CLYBL: variants seen among roughly 807,000 people sequenced by gnomAD.
CLYBL encodes the protein citramalyl-CoA lyase, mitochondrial.
Under a neutral mutation model 38.9 loss-of-function variants are expected in CLYBL, and 31 were observed. The observed-to-expected ratio is 0.80, with a 90% CI of 0.60 to 1.08. The LOEUF (loss-of-function observed/expected upper bound fraction) is 1.08. CLYBL is among the 50% of genes least tolerant of loss of function. The pLI is 0.00. For synonymous variants in CLYBL, 171 were observed against 158.6 expected, an observed-to-expected ratio of 1.08 and a Z score of -0.59; for missense variants, 434 against 411.6, an observed-to-expected ratio of 1.05 and a Z score of -0.47.
chr13:99,840,504 T>TCCCAG (rs2051045058), intron 2 of CLYBL, among the ~76,000 whole-genome samples: 1 of 151,890 alleles, frequency 6.6e-6, no homozygotes, highest in Non-Finnish European at 1.5e-5. Flanking sequence ...ACACCTGTAA[T>TCCCAG]CCCAGCACTT....
intron 2 of CLYBL, among the ~76,000 whole-genome samples, chr13:99,806,561 A>C (rs1461516441): frequency 1.3e-5 from 2 of 152,168 alleles, no homozygotes; most frequent in African/African-American, 4.8e-5. Flanking sequence ...GCAAGTTAAT[A>C]TTTCATTTTG....
intron 2 of CLYBL, among the ~76,000 whole-genome samples, chr13:99,858,372 T>C (rs758304275): frequency 2.0e-5 from 3 of 152,178 alleles, no homozygotes; most frequent in Non-Finnish European, 4.4e-5. Context: ...AAAAAAAGCA[T>C]GATGCCTGTG....
chr13:99,796,739 T>A (rs915761729), intron 2 of CLYBL, among the ~76,000 whole-genome samples: 6 of 152,156 alleles, frequency 3.9e-5, no homozygotes, highest in Non-Finnish European at 8.8e-5. Flanking sequence ...CTAGCAGAAG[T>A]GAGCCAAGGT....
At position 99,803,579 on chromosome 13, in the gene CLYBL, C is replaced by T. The variant is rs138368520; in HGVS notation, c.249+30569C>T. Among the ~76,000 whole-genome samples, 39 of 152,332 alleles carry T rather than the reference C, an allele frequency of 2.6e-4. No individual in the cohort carries two copies. The East Asian group carries it at 6.9e-3, about 27-fold the overall frequency. ...AGCAGTGTGAACTGACCTGACTTTC[C>T]TAATATGTGTAATGGAGAAAGTAAT... On this transcript the variant is annotated intron_variant, in intron 2 of 8. Coordinates refer to ENST00000339105, the MANE Select transcript of CLYBL (RefSeq NM_206808.5).
At chr13:99,773,972 A>G (rs1034573877) in intron 2 of CLYBL, among the ~76,000 whole-genome samples, 2 of 152,058 alleles carry the variant, frequency 1.3e-5, no homozygotes, top group Non-Finnish European at 2.9e-5. Context: ...GCTCATGCCT[A>G]TAATCCCAGC....
chr13:99,653,347 G>A (rs1451023195), intron 1 of CLYBL, among the ~76,000 whole-genome samples: 2 of 151,818 alleles, frequency 1.3e-5, no homozygotes, highest in African/African-American at 4.8e-5. Context: ...TCATGAGGCT[G>A]TTAGCCTGGG....
At chr13:99,790,120 C>T (rs1200584558) in intron 2 of CLYBL, among the ~76,000 whole-genome samples, 1 of 152,056 alleles carries the variant, frequency 6.6e-6, no homozygotes, top group Non-Finnish European at 1.5e-5. Context: ...CTCCTGAATA[C>T]AGCACACTGA....
intron 1 of CLYBL, among the ~76,000 whole-genome samples, chr13:99,747,223 A>T (rs796437994): frequency 1.2e-5 from 1 of 85,106 alleles, no homozygotes; most frequent in Non-Finnish European, 2.4e-5. Flanking sequence ...CCCCCGCCCC[A>T]CCCCCATGCT....
At chr13:99,763,847 C>G (rs772705053) in intron 1 of CLYBL, among the ~76,000 whole-genome samples, 6 of 152,068 alleles carry the variant, frequency 3.9e-5, no homozygotes, top group Non-Finnish European at 5.9e-5. Context: ...GCCACCGCAC[C>G]CGGCCGATCA....
chr13:99,703,282 A>G (rs2048096923), intron 1 of CLYBL, among the ~76,000 whole-genome samples: 2 of 152,188 alleles, frequency 1.3e-5, no homozygotes, highest in South Asian at 4.1e-4. Context: ...AAGTGACCAT[A>G]GCTTCTTAGT....
rs28622077 is a variant in CLYBL at position 99,830,773 on chromosome 13, G to A, written c.250-28088G>A. Among the ~76,000 whole-genome samples, 709 of 152,338 alleles carry A rather than the reference G, an allele frequency of 4.7e-3. 4 individuals are homozygous for A. Among genetic ancestry groups the A allele is most frequent in the African/African-American group, 0.016 (682 of 41,574 alleles). ...TTTCTAATAACTCTTTTAAAGAAGTGTTCATTCCATTGTTCATGGAATATG... is the reference window on the plus strand; with the variant it reads ...TTTCTAATAACTCTTTTAAAGAAGTATTCATTCCATTGTTCATGGAATATG... On this transcript the variant is annotated intron_variant, in intron 2 of 8. Coordinates refer to ENST00000339105, the MANE Select transcript of CLYBL (RefSeq NM_206808.5).
intron 2 of CLYBL, among the ~76,000 whole-genome samples, chr13:99,833,018 ATATATATATATATTTTTTTTT>A (rs2050845093): frequency 1.2e-4 from 4 of 34,276 alleles, no homozygotes; most frequent in African/African-American, 3.5e-4. Context: ...ATATATATAT[ATATATATATATATTTTTTTTT>A]TTTTTTTTTT....
chr13:99,906,033 C>G (rs1171950931), intron 9 of CLYBL, among the ~76,000 whole-genome samples: 1 of 152,178 alleles, frequency 6.6e-6, no homozygotes, highest in Non-Finnish European at 1.5e-5. Flanking sequence ...CTCAGCCTCC[C>G]AAAGTGCTAG....
chr13:99,701,059 G>T (rs1012369589), intron 1 of CLYBL, among the ~76,000 whole-genome samples: 2 of 152,170 alleles, frequency 1.3e-5, no homozygotes, highest in Non-Finnish European at 2.9e-5. Flanking sequence ...CAGGCCGGTT[G>T]TCACTTCATC....
chr13:99,796,189 G>C (rs1594188499), intron 2 of CLYBL, among the ~76,000 whole-genome samples: 2 of 152,292 alleles, frequency 1.3e-5, no homozygotes, highest in South Asian at 2.1e-4. Flanking sequence ...TGGCAGCCAT[G>C]ATTGGGCTGC....
At chr13:99,743,661 G>A (rs867840319) in intron 1 of CLYBL, among the ~76,000 whole-genome samples, 1 of 152,290 alleles carries the variant, frequency 6.6e-6, no homozygotes, top group Admixed American at 6.5e-5. Flanking sequence ...TGGTTGGTTC[G>A]GCTCTGTGGT....
At chr13:99,821,910 C>A (rs947891211) in intron 2 of CLYBL, among the ~76,000 whole-genome samples, 1 of 152,172 alleles carries the variant, frequency 6.6e-6, no homozygotes, top group Admixed American at 6.5e-5. Context: ...CCTGTAGTCC[C>A]CTCCCACGCT....
intron 1 of CLYBL, among the ~76,000 whole-genome samples, chr13:99,770,748 A>G (rs1374055646): frequency 6.6e-6 from 1 of 151,234 alleles, no homozygotes. Flanking sequence ...TTTGAGACAG[A>G]GTCTTGCTCT....
At position 99,772,872 on chromosome 13, in the gene CLYBL, A is replaced by C; in HGVS notation, c.111A>C (p.Ser37=). ...TCCCCAGACTTGGATATAGTTCCTC[A>C]TCCCATCACAAGTACATCCCCCGGA... The part of the protein sequence containing the change: ...ADIPRLGYSS[S]SHHKYIPRRA... The change falls in exon 2 of 9, where the codon TCA becomes TCC. Residue 37 remains serine (S), a synonymous_variant. Transcript: ENST00000339105. 6.2e-7 allele frequency: 1 copy of C among 1,612,616 alleles called. No individual in the cohort carries two copies. Among genetic ancestry groups the C allele is most frequent in the Non-Finnish European group, 8.5e-7 (1 of 1,179,736 alleles).
Sources: allele counts gnomAD v4.1 joint callset (sites outside exome capture counted in the v4.1 genomes callset), GRCh38; gene constraint gnomAD v4.1.1; transcripts MANE v1.5; gene names NCBI Gene and HGNC (gene_info 2026-07-23, HGNC 2026-07-21).